Variants in ERBB4 observed in about 807,000 individuals in gnomAD.
ERBB4 encodes erb-b2 receptor tyrosine kinase 4.
In ERBB4, 42 loss-of-function variants were observed where a neutral mutation model predicts 158.0. That is an observed-to-expected ratio of 0.27 (90% CI 0.21 to 0.34). The LOEUF (loss-of-function observed/expected upper bound fraction) is 0.34. Ranked by LOEUF, ERBB4 falls within the 10% of genes least tolerant of loss-of-function variation. The pLI is 1.00. For missense variants in ERBB4, 1,333 were observed against 1,624.1 expected (o/e 0.82, Z 3.08); for synonymous variants, 583 against 558.7 (o/e 1.04, Z -0.61).
At chr2:211,508,477 C>T (rs574617973) in intron 20 of ERBB4, among the ~76,000 whole-genome samples, 47 of 152,242 alleles carry the variant, frequency 3.1e-4, no homozygotes, top group Middle Eastern at 6.8e-3. Flanking sequence ...CAGGAAACAA[C>T]AGATGCCGGA....
chr2:212,538,048 C>A (rs905914676), intron 1 of ERBB4, among the ~76,000 whole-genome samples: 1 of 151,950 alleles, frequency 6.6e-6, no homozygotes, highest in Non-Finnish European at 1.5e-5. Context: ...AGCACCGCCC[C>A]AGGACCGCGG....
intron 1 of ERBB4, among the ~76,000 whole-genome samples, chr2:212,330,239 GTTTT>G (rs2088071571): frequency 6.9e-6 from 1 of 144,008 alleles, no homozygotes; most frequent in African/African-American, 2.6e-5. Context: ...TTGTTTGTTT[GTTTT>G]GTTTTCTGTT....
chr2:211,968,513 C>A (rs891004171), intron 2 of ERBB4, among the ~76,000 whole-genome samples: 2 of 152,060 alleles, frequency 1.3e-5, no homozygotes, highest in African/African-American at 4.8e-5. Context: ...TCTCAGACTA[C>A]TTCACCCTAT....
In ERBB4 at chr2:211,772,955, A is replaced by ATATATAT. The variant is rs1553630145; in HGVS notation, c.556+15069_556+15070insATATATA. The stretch of plus-strand genomic sequence containing the variant: ...TATATATATATATATATATATATAT[A>ATATATAT]TTTTTTTTTTTAAAGATGGGGTCCT... On this transcript the variant is annotated intron_variant, in intron 4 of 27. Coordinates refer to ENST00000342788, the MANE Select transcript of ERBB4 (RefSeq NM_005235.3). Among the ~76,000 whole-genome samples the ATATATAT allele has an allele frequency of 1.1e-3, 93 of 83,292 alleles. 5 individuals carry two copies. Among genetic ancestry groups the ATATATAT allele is most frequent in the African/African-American group, 4.8e-3 (88 of 18,324 alleles). The allele number at this position is 83,292 out of a possible 152,430, so 54.6% of individuals were successfully genotyped here.
At chr2:212,424,818 A>G (rs960453560) in intron 1 of ERBB4, among the ~76,000 whole-genome samples, 2 of 152,130 alleles carry the variant, frequency 1.3e-5, no homozygotes, top group African/African-American at 4.8e-5. Flanking sequence ...TACTTAGTTT[A>G]TGTCTATAAA....
rs986499688 is a variant in ERBB4, at chr2:211,458,693, G to A, written c.2488-27593C>T. Among the ~76,000 whole-genome samples the A allele has an allele frequency of 2.0e-4, 30 of 152,086 alleles. 2 individuals are homozygous for A. Among genetic ancestry groups the A allele is most frequent in the African/African-American group, 4.1e-4 (17 of 41,406 alleles). On this transcript the variant is annotated intron_variant, in intron 20 of 27. Coordinates refer to ENST00000342788, the MANE Select transcript of ERBB4 (RefSeq NM_005235.3). ...CCCTGACTTCTGTTTTCTTGATATC[G>A]TACTCCATTAAAAAGGAAATAACAC...
At chr2:212,205,946 T>C (rs2082733275) in intron 1 of ERBB4, among the ~76,000 whole-genome samples, 1 of 152,236 alleles carries the variant, frequency 6.6e-6, no homozygotes, top group Admixed American at 6.5e-5. Flanking sequence ...AAAGCTATTT[T>C]GGTTTCTTCA....
chr2:211,521,908 G>T (rs564329945), intron 20 of ERBB4, among the ~76,000 whole-genome samples: 1 of 152,200 alleles, frequency 6.6e-6, no homozygotes, highest in African/African-American at 2.4e-5. Context: ...AAGATCTACT[G>T]CTCAGAAAAA....
chr2:211,930,895 A>T (rs1411701101), intron 3 of ERBB4, among the ~76,000 whole-genome samples: 1 of 152,156 alleles, frequency 6.6e-6, no homozygotes, highest in African/African-American at 2.4e-5. Flanking sequence ...TGGAATGGAG[A>T]TTTAAAAGGG....
chr2:212,480,260 A>G (rs1016617542), intron 1 of ERBB4, among the ~76,000 whole-genome samples: 3 of 152,168 alleles, frequency 2.0e-5, no homozygotes, highest in African/African-American at 7.2e-5. Context: ...GACCTTATTA[A>G]TATATGTATA....
rs535977469 is a variant in ERBB4 at position 211,679,756 on chromosome 2, T to C, written c.1490-572A>G. 1.9e-3 allele frequency among the ~76,000 whole-genome samples: 285 copies of C among 152,292 alleles called. 1 individual carries two copies. Among genetic ancestry groups the C allele is most frequent in the African/African-American group, 6.4e-3 (267 of 41,578 alleles). ...GTGCAGTGGCATGATCTTGGCTCAC[T>C]GCAACCTCCACCTCCCGGGTTTAAG... On this transcript the variant is annotated intron_variant, in intron 12 of 27. Transcript: ENST00000342788.
chr2:212,179,294 T>G (rs976740447), intron 1 of ERBB4, among the ~76,000 whole-genome samples: 1 of 151,208 alleles, frequency 6.6e-6, no homozygotes, highest in Non-Finnish European at 1.5e-5. Flanking sequence ...ATTTTCTCAT[T>G]TAGAAATTCC....
At chr2:211,454,639 A>G (rs962618062) in intron 20 of ERBB4, among the ~76,000 whole-genome samples, 4 of 152,220 alleles carry the variant, frequency 2.6e-5, no homozygotes, top group African/African-American at 7.2e-5. Flanking sequence ...AGTGACAAGA[A>G]AAAGTAACAG....
At chr2:211,895,265 TG>T (rs913686202) in intron 3 of ERBB4, among the ~76,000 whole-genome samples, 11 of 152,130 alleles carry the variant, frequency 7.2e-5, no homozygotes, top group Non-Finnish European at 4.4e-5. Flanking sequence ...TTATCTTTTT[TG>T]TTGTTGTTGT....
intron 2 of ERBB4, among the ~76,000 whole-genome samples, chr2:211,977,591 G>T (rs959462414): frequency 1.1e-4 from 15 of 141,568 alleles, no homozygotes; most frequent in African/African-American, 3.1e-4. Context: ...TAATCCTAGC[G>T]CTTTGGGAGC....
intron 12 of ERBB4, among the ~76,000 whole-genome samples, chr2:211,683,346 C>A (rs2072432602): frequency 6.6e-6 from 1 of 152,102 alleles, no homozygotes; most frequent in African/African-American, 2.4e-5. Context: ...TTTAAACTTA[C>A]CCATTAGAGC....
chr2:211,775,427 T>C (rs1222832188), intron 4 of ERBB4, among the ~76,000 whole-genome samples: 1 of 152,188 alleles, frequency 6.6e-6, no homozygotes. Flanking sequence ...TGCACCAAGG[T>C]AAAAATTTCT....
chr2:212,106,084 G>A (rs1210350834), intron 2 of ERBB4, among the ~76,000 whole-genome samples: 3 of 152,112 alleles, frequency 2.0e-5, no homozygotes, highest in African/African-American at 7.2e-5. Flanking sequence ...CAGTAAACTG[G>A]TACCAGTAGA....
intron 1 of ERBB4, among the ~76,000 whole-genome samples, chr2:212,412,970 G>GT (rs2091541688): frequency 6.7e-6 from 1 of 150,282 alleles, no homozygotes. Flanking sequence ...TGTTTTTTTT[G>GT]TTTGTTTGTT....
Sources: allele counts gnomAD v4.1 joint callset (sites outside exome capture counted in the v4.1 genomes callset), GRCh38; gene constraint gnomAD v4.1.1; transcripts MANE v1.5; gene names NCBI Gene and HGNC (gene_info 2026-07-23, HGNC 2026-07-21).